ABCC10: variants seen among roughly 807,000 people sequenced by gnomAD.
ABCC10 encodes ATP-binding cassette sub-family C member 10.
A neutral mutation model predicts 143.2 loss-of-function variants in ABCC10; 110 were observed. That is an observed-to-expected ratio of 0.77 (90% CI 0.66 to 0.90). The LOEUF (loss-of-function observed/expected upper bound fraction) is 0.90. Among genes scored for constraint, ABCC10 ranks in the 40% least tolerant of loss-of-function variants. The pLI is 0.00. For synonymous variants in ABCC10, 805 were observed against 846.7 expected (o/e 0.95, Z 0.85); for missense variants, 1,700 against 1,900.5 (o/e 0.89, Z 1.96).
At chr6:43,435,544 T>G (rs1490699363) in intron 4 of ABCC10, among the ~76,000 whole-genome samples, 2 of 150,958 alleles carry the variant, frequency 1.3e-5, no homozygotes, top group South Asian at 2.1e-4. Flanking sequence ...AAAAAAAAAA[T>G]GCAACCTGAA....
At chr6:43,431,353 A>G (rs1303578401) in intron 2 of ABCC10, among the ~76,000 whole-genome samples, 2 of 152,062 alleles carry the variant, frequency 1.3e-5, no homozygotes, top group African/African-American at 2.4e-5. Flanking sequence ...ATCTGCATGA[A>G]AACTTTGGAT....
At chr6:43,445,056 TG>T in intron 13 of ABCC10, 68 bp from the exon 14 acceptor site, 1 of 1,592,780 alleles carries the variant, frequency 6.3e-7, no homozygotes, top group Non-Finnish European at 8.6e-7. Context: ...AGAGATGGCA[TG>T]GGGGAGGAGA....
rs1562206544 is a variant in ABCC10 at position 43,448,964 on chromosome 6, A to T, written c.4043A>T (p.Lys1348Met). 6.2e-7 allele frequency: 1 copy of T among 1,614,196 alleles called. No individual in the cohort carries two copies. Among genetic ancestry groups the T allele is most frequent in the East Asian group, 2.2e-5 (1 of 44,876 alleles). Residue 1348 changes from lysine to methionine, a missense_variant, in exon 19 of 22, where the codon AAG becomes ATG. By Grantham distance (95) the Lys-to-Met change is moderately conservative. Transcript: ENST00000372530. ...AACCTGGACCCCCAGGGCCTACATAAGGACAGGGCCTTGTGGCAGGCCCTG... is the reference window on the plus strand; with the variant it reads ...AACCTGGACCCCCAGGGCCTACATATGGACAGGGCCTTGTGGCAGGCCCTG... ...RENLDPQGLH[K>M]DRALWQALKQ...
chr6:43,427,879 C>G, intron 1 of ABCC10, 89 bp from the exon 2 acceptor site: 1 of 1,468,108 alleles, frequency 6.8e-7, no homozygotes. Flanking sequence ...GGTTCCAGGG[C>G]GGGGCTGGAG....
rs768268084 is a variant in ABCC10, at chr6:43,444,791, C to T, written c.2693C>T (p.Thr898Met). The change falls in exon 13 of 22, where the codon ACG (threonine) becomes ATG (methionine). Residue 898 changes from threonine (T) to methionine (M), a missense_variant. Thr to Met is a moderately conservative substitution (Grantham distance 81, BLOSUM62 -1). Coordinates refer to ENST00000372530, the MANE Select transcript of ABCC10 (RefSeq NM_001198934.2). ...TTTCCTTCCTGTCCCCACCCAGCCA[C>T]GCGGAACGCTGCTGACTGGTGGCTC... ...ILFSLLLMQA[T>M]RNAADWWLSH... The T allele has an allele frequency of 7.5e-6, 12 of 1,593,612 alleles. No individual in the cohort carries two copies. The highest frequency in any genetic ancestry group is 1.0e-5 in the Non-Finnish European group (12 of 1,170,794).
At chr6:43,434,593 A>G in intron 3 of ABCC10, 28 bp from the exon 4 acceptor site, 1 of 1,596,456 alleles carries the variant, frequency 6.3e-7, no homozygotes, top group Non-Finnish European at 8.6e-7. Flanking sequence ...CCTCCACTTC[A>G]CGCCTCTCCC....
chr6:43,435,850 C>G lies in ABCC10; in HGVS notation c.1708C>G (p.Arg570Gly). 6.2e-7 allele frequency: 1 copy of G among 1,614,130 alleles called. No individual in the cohort carries two copies. The highest frequency in any genetic ancestry group is 1.1e-5 in the South Asian group (1 of 91,076). ...CCTGGAGGCCAAAGTGTCCTTGGAC[C>G]GGATCCAGCTTTTCCTCGACCTTCC... is the stretch of plus-strand genomic sequence containing the variant. ...GLLEAKVSLD[R>G]IQLFLDLPNH... Residue 570 changes from arginine to glycine, a missense_variant, in exon 5 of 22, where the codon CGG (arginine) becomes GGG (glycine). Arg to Gly is a moderately radical substitution (Grantham distance 125). Transcript: ENST00000372530.
At chr6:43,432,082 G>T in intron 2 of ABCC10, 60 bp from the exon 3 acceptor site, 1 of 1,585,096 alleles carries the variant, frequency 6.3e-7, no homozygotes, top group Non-Finnish European at 8.6e-7. Context: ...GGAGGTGAGG[G>T]GTATGTCTGG....
intron 6 of ABCC10, 51 bp from the exon 7 acceptor site, chr6:43,437,883 C>T: frequency 6.4e-7 from 1 of 1,574,058 alleles, no homozygotes; most frequent in Non-Finnish European, 8.7e-7. Context: ...ACCACTGCCA[C>T]CTCTGTCCTG....
chr6:43,450,039 A>T lies in ABCC10; in HGVS notation c.4427A>T (p.Gln1476Leu). ...LRNQPHSLFQ[Q>L]LLQSSQQGVP... is the part of the protein sequence containing the mutation. ...AACCAGCCCCACTCCCTGTTCCAGC[A>T]GCTGCTGCAGAGCAGCCAGCAGGGA... The change falls in exon 22 of 22, where the codon CAG (glutamine) becomes CTG (leucine). Residue 1476 changes from glutamine to leucine, a missense_variant. Transcript: ENST00000372530. The surrounding 1 kb of genome is among the most constrained non-coding windows in gnomAD (Gnocchi z 4.5). 1 of 1,612,372 alleles carries T rather than the reference A, an allele frequency of 6.2e-7. No individual in the cohort carries two copies. Among genetic ancestry groups the T allele is most frequent in the South Asian group, 1.1e-5 (1 of 90,978 alleles).
At chr6:43,437,167 T>C (rs1781814076) in intron 6 of ABCC10, among the ~76,000 whole-genome samples, 1 of 152,154 alleles carries the variant, frequency 6.6e-6, no homozygotes. Context: ...CACCCTCCAC[T>C]GAGCAGAAGA....
chr6:43,451,387 G>T, downstream of ABCC10: 1 of 1,309,696 alleles, frequency 7.6e-7, no homozygotes, highest in Non-Finnish European at 1.0e-6. The surrounding 1 kb of genome is among the most constrained non-coding windows in gnomAD (Gnocchi z 4.4). Flanking sequence ...CACACTCCGA[G>T]CCTCAAATAC....
At chr6:43,428,271 A>C in intron 2 of ABCC10, 132 bp downstream of exon 2, 1 of 1,080,156 alleles carries the variant, frequency 9.3e-7, no homozygotes, top group Non-Finnish European at 1.3e-6. Flanking sequence ...AAATCTAAGC[A>C]TTGCTACTTA....
downstream of ABCC10, chr6:43,450,676 G>T (rs747440045): frequency 2.0e-5 from 33 of 1,613,850 alleles, no homozygotes; most frequent in Non-Finnish European, 2.6e-5. This position sits in a 1 kb window ranked among gnomAD's most constrained non-coding sequence, Gnocchi z 4.5. Flanking sequence ...CAGGGTCCAG[G>T]GGGGCAGACA....
At chr6:43,440,818 C>T (rs575211879) in intron 8 of ABCC10, among the ~76,000 whole-genome samples, 6 of 139,030 alleles carry the variant, frequency 4.3e-5, no homozygotes, top group Admixed American at 7.4e-5. Context: ...GAGCCAAGAT[C>T]GCGCCATTGT....
chr6:43,445,733 G>A lies in ABCC10; in HGVS notation c.3165G>A (p.Gly1055=), dbSNP rs1782985457. Residue 1055 remains glycine, a synonymous_variant, in exon 15 of 22, where the codon GGG becomes GGA. Transcript: ENST00000372530. The part of the protein sequence containing the change: ...ILLANAAGLL[G]LLAVLGSGLP... ...TGGCCAACGCGGCAGGCCTGCTGGGGCTCCTGGCCGTGCTGGGCTCTGGCC... is the reference window on the plus strand; with the variant it reads ...TGGCCAACGCGGCAGGCCTGCTGGGACTCCTGGCCGTGCTGGGCTCTGGCC... 3 of 1,614,018 alleles carry A rather than the reference G, an allele frequency of 1.9e-6. No individual in the cohort carries two copies. Among genetic ancestry groups the A allele is most frequent in the South Asian group, 1.1e-5 (1 of 91,084 alleles).
chr6:43,441,611 C>A (rs1782480188), intron 8 of ABCC10, among the ~76,000 whole-genome samples: 1 of 152,214 alleles, frequency 6.6e-6, no homozygotes, highest in Non-Finnish European at 1.5e-5. Flanking sequence ...GGAAATGATA[C>A]CATCTTCATA....
rs200304551 is a variant in ABCC10 at position 43,432,142 on chromosome 6, G to C, written c.162G>C (p.Arg54Ser). The C allele has an allele frequency of 2.4e-5, 38 of 1,613,846 alleles. No individual in the cohort carries two copies. The highest frequency in any genetic ancestry group is 3.1e-5 in the Non-Finnish European group (36 of 1,179,888). The change falls in exon 3 of 22, where the codon AGG becomes AGC. Residue 54 changes from arginine to serine, a missense_variant and splice_region_variant. Physicochemically the swap from Arg to Ser is moderately radical, Grantham distance 110. Coordinates refer to ENST00000372530, the MANE Select transcript of ABCC10 (RefSeq NM_001198934.2). ...VLSACYLGTP[R>S]SPDYILPCSP... Reference sequence around the variant, plus strand: ...TCCTTGTCTTCCCCCTTGTCCCCAGGAGTCCAGATTACATCCTACCCTGCA... The same window carrying C: ...TCCTTGTCTTCCCCCTTGTCCCCAGCAGTCCAGATTACATCCTACCCTGCA...
rs1178459303 is a variant in ABCC10, at chr6:43,446,357, A to G, written c.3455A>G (p.Asp1152Gly). ...FATSATMQWL[D>G]IRLQLMGAAV... ...ACCAGTGCCACAATGCAGTGGCTGG[A>G]CATTCGGCTACAGCTCATGGGGGCG... The change falls in exon 16 of 22, where the codon GAC (aspartate) becomes GGC (glycine). Residue 1152 changes from aspartate (D) to glycine (G), a missense_variant. Asp to Gly is a moderately conservative substitution (Grantham distance 94, BLOSUM62 -1). Coordinates refer to ENST00000372530, the MANE Select transcript of ABCC10 (RefSeq NM_001198934.2). 2 of 1,613,662 alleles carry G rather than the reference A, an allele frequency of 1.2e-6. No individual in the cohort carries two copies. The highest frequency in any genetic ancestry group is 1.3e-5 in the African/African-American group (1 of 74,888).
Sources: allele counts gnomAD v4.1 joint callset (sites outside exome capture counted in the v4.1 genomes callset), GRCh38; gene constraint gnomAD v4.1.1; non-coding constraint Gnocchi (gnomAD v3.1); transcripts MANE v1.5; gene names NCBI Gene and HGNC (gene_info 2026-07-23, HGNC 2026-07-21).